Variants in CADPS2 observed in about 807,000 individuals in gnomAD.
The protein encoded by CADPS2 is calcium dependent secretion activator 2, also known as calcium-dependent secretion activator 2.
A neutral mutation model predicts 172.5 loss-of-function variants in CADPS2; 93 were observed. The ratio of observed to expected loss-of-function variants is 0.54; its 90% CI spans 0.46 to 0.64. The LOEUF is 0.64. Ranked by LOEUF, CADPS2 falls within the 30% of genes least tolerant of loss-of-function variation. The pLI is 0.00. For synonymous variants in CADPS2, 546 were observed against 555.2 expected, an observed-to-expected ratio of 0.98 and a Z score of 0.23; for missense variants, 1,420 against 1,565.9, an observed-to-expected ratio of 0.91 and a Z score of 1.57.
At chr7:122,685,983 C>T (rs1054118114) in intron 2 of CADPS2, among the ~76,000 whole-genome samples, 2 of 152,150 alleles carry the variant, frequency 1.3e-5, no homozygotes, top group African/African-American at 4.8e-5. Flanking sequence ...ACTAAGTATC[C>T]CACCAGTATT....
At chr7:122,627,687 T>A (rs1226984031) in intron 4 of CADPS2, among the ~76,000 whole-genome samples, 1 of 152,170 alleles carries the variant, frequency 6.6e-6, no homozygotes, top group Non-Finnish European at 1.5e-5. Context: ...CATATGACAA[T>A]GTGCCCAGTC....
chr7:122,428,250 C>T (rs905866706), intron 17 of CADPS2, among the ~76,000 whole-genome samples: 8 of 151,976 alleles, frequency 5.3e-5, no homozygotes, highest in Non-Finnish European at 1.0e-4. Flanking sequence ...AGCAATAGTA[C>T]GTAAAAATCA....
intron 1 of CADPS2, among the ~76,000 whole-genome samples, chr7:122,854,372 G>GA (rs1563181361): frequency 6.6e-6 from 1 of 151,430 alleles, no homozygotes; most frequent in Non-Finnish European, 1.5e-5. Flanking sequence ...TCCTGTCTCA[G>GA]AAAAAAAAGA....
intron 27 of CADPS2, among the ~76,000 whole-genome samples, chr7:122,346,084 G>A (rs1366337410): frequency 6.6e-6 from 1 of 151,984 alleles, no homozygotes; most frequent in Non-Finnish European, 1.5e-5. Context: ...ATTTAAAAAT[G>A]CGCTGAGTGC....
At position 122,625,057 on chromosome 7, in the gene CADPS2, T is replaced by A. The variant is rs1215915753; in HGVS notation, c.868-3340A>T. Among the ~76,000 whole-genome samples, 4 of 151,794 alleles carry A rather than the reference T, an allele frequency of 2.6e-5. 1 individual carries two copies. The highest frequency in any genetic ancestry group is 4.2e-4 in the South Asian group (2 of 4,814). The stretch of plus-strand genomic sequence containing the variant: ...AAGGAAGTATGATGATTAATTATTT[T>A]TTTTTTTTTTGAGACAGAGTTTCGC... On this transcript the variant is annotated intron_variant, in intron 4 of 29. Transcript: ENST00000449022.
At chr7:122,705,983 T>TTATATATAA (rs2087319361) in intron 2 of CADPS2, among the ~76,000 whole-genome samples, 1 of 83,774 alleles carries the variant, frequency 1.2e-5, no homozygotes, top group African/African-American at 5.1e-5. Context: ...TAATATATAA[T>TTATATATAA]ATTATATATT....
At chr7:122,468,095 CTG>C (rs1223156354) in intron 14 of CADPS2, among the ~76,000 whole-genome samples, 3 of 152,196 alleles carry the variant, frequency 2.0e-5, no homozygotes, top group South Asian at 2.1e-4. Context: ...GAGCTCAACA[CTG>C]TGCAATAGGA....
At chr7:122,861,076 T>C (rs1208875499) in intron 1 of CADPS2, among the ~76,000 whole-genome samples, 3 of 152,220 alleles carry the variant, frequency 2.0e-5, no homozygotes, top group Non-Finnish European at 4.4e-5. Flanking sequence ...GGAATACATA[T>C]ATGTCTTGAC....
intron 14 of CADPS2, among the ~76,000 whole-genome samples, chr7:122,454,243 A>G (rs2053485430): frequency 6.6e-6 from 1 of 152,190 alleles, no homozygotes; most frequent in Non-Finnish European, 1.5e-5. Context: ...TGTACTGGCT[A>G]TCTTATATGC....
intron 1 of CADPS2, among the ~76,000 whole-genome samples, chr7:122,885,280 C>CA (rs893699744): frequency 2.2e-4 from 34 of 152,054 alleles, no homozygotes; most frequent in African/African-American, 7.7e-4. Context: ...TTTTGTTCCC[C>CA]AAAAAAGCAT....
At chr7:122,625,146 T>G (rs2430025) in intron 4 of CADPS2, among the ~76,000 whole-genome samples, 88,979 of 151,772 alleles carry the variant, frequency 0.59, 26,157 homozygotes, top group South Asian at 0.75. Flanking sequence ...CGCCTCCCAG[T>G]TTCAAGTGAT....
chr7:122,546,176 T>C (rs2063596844), intron 8 of CADPS2, among the ~76,000 whole-genome samples: 1 of 152,188 alleles, frequency 6.6e-6, no homozygotes, highest in Non-Finnish European at 1.5e-5. Context: ...CTTTTTATAA[T>C]CTGAACACAC....
At chr7:122,699,679 TTCTC>T (rs1263243761) in intron 2 of CADPS2, among the ~76,000 whole-genome samples, 1 of 152,176 alleles carries the variant, frequency 6.6e-6, no homozygotes, top group African/African-American at 2.4e-5. Context: ...CTGCCTCACT[TTCTC>T]TGTCTTACAT....
At chr7:122,623,978 C>T (rs1200232511) in intron 4 of CADPS2, among the ~76,000 whole-genome samples, 2 of 152,148 alleles carry the variant, frequency 1.3e-5, no homozygotes. Flanking sequence ...TATCATCTGT[C>T]AAACAGGAGA....
At chr7:122,645,365 ATG>A (rs765501294) in intron 3 of CADPS2, among the ~76,000 whole-genome samples, 1,241 of 70,716 alleles carry the variant, frequency 0.018, 50 homozygotes, top group African/African-American at 0.056. Context: ...ATACATGTAC[ATG>A]TATACACACA....
At chr7:122,442,216 T>C (rs2051444882) in intron 15 of CADPS2, among the ~76,000 whole-genome samples, 2 of 152,188 alleles carry the variant, frequency 1.3e-5, no homozygotes, top group South Asian at 4.1e-4. Context: ...GGATTGTGAG[T>C]GGGCTACTCA....
chr7:122,401,015 A>G (rs957500140), intron 20 of CADPS2, among the ~76,000 whole-genome samples: 5 of 152,180 alleles, frequency 3.3e-5, no homozygotes, highest in Non-Finnish European at 7.3e-5. Context: ...TTTTTTGATA[A>G]TGAGAGGTGA....
At position 122,474,443 on chromosome 7, in the gene CADPS2, G is replaced by A. The variant is rs1490277317; in HGVS notation, c.1936C>T (p.Leu646Phe). The change falls in exon 13 of 30, where the codon CTT (leucine) becomes TTT (phenylalanine). Residue 646 changes from leucine to phenylalanine, a missense_variant. Physicochemically the swap from Leu to Phe is conservative, Grantham distance 22. Coordinates refer to ENST00000449022, the MANE Select transcript of CADPS2 (RefSeq NM_017954.11). The stretch of plus-strand genomic sequence containing the variant: ...GTCTGCCTCTGGAGTATTCTAAAAA[G>A]GAAGGCATGATCAAGCTTGCAGGGG... ...ANPCKLDHAF[L>F]FRILQRQTLD... is the part of the protein sequence containing the mutation. 6.2e-7 allele frequency: 1 copy of A among 1,613,366 alleles called. No homozygotes were observed. Among genetic ancestry groups the A allele is most frequent in the Middle Eastern group, 1.7e-4 (1 of 6,058 alleles).
intron 1 of CADPS2, among the ~76,000 whole-genome samples, chr7:122,777,907 G>A (rs2093934580): frequency 6.6e-6 from 1 of 152,086 alleles, no homozygotes; most frequent in Non-Finnish European, 1.5e-5. Flanking sequence ...CATAGAGTGG[G>A]GTGCTGCTAT....
Sources: allele counts gnomAD v4.1 joint callset (sites outside exome capture counted in the v4.1 genomes callset), GRCh38; gene constraint gnomAD v4.1.1; transcripts MANE v1.5; gene names NCBI Gene and HGNC (gene_info 2026-07-23, HGNC 2026-07-21).